The following UNC5C variants were observed in gnomAD, a reference collection of about 807,000 sequenced individuals.
UNC5C encodes the protein netrin receptor UNC5C.
In UNC5C, 47 loss-of-function variants were observed where a neutral mutation model predicts 99.8. The observed-to-expected ratio is 0.47, with a 90% CI of 0.37 to 0.60. UNC5C has a LOEUF of 0.60. Among genes scored for constraint, UNC5C ranks in the 20% least tolerant of loss-of-function variants. UNC5C has a pLI of 0.00. For synonymous variants in UNC5C, 487 were observed against 452.2 expected, an observed-to-expected ratio of 1.08 and a Z score of -0.98; for missense variants, 1,062 against 1,165.9, an observed-to-expected ratio of 0.91 and a Z score of 1.30.
At chr4:95,176,148 A>G (rs552873233) in intron 14 of UNC5C, among the ~76,000 whole-genome samples, 2 of 150,816 alleles carry the variant, frequency 1.3e-5, no homozygotes, top group African/African-American at 4.9e-5. Context: ...ATTCTTCTAA[A>G]TTTTTTTCAA....
intron 11 of UNC5C, among the ~76,000 whole-genome samples, chr4:95,203,633 C>A (rs1309443665): frequency 6.6e-6 from 1 of 152,016 alleles, no homozygotes; most frequent in African/African-American, 2.4e-5. Context: ...CCACACCTGG[C>A]TAATTTTTTT....
intron 3 of UNC5C, among the ~76,000 whole-genome samples, chr4:95,288,282 A>G (rs1741314500): frequency 6.6e-6 from 1 of 151,942 alleles, no homozygotes; most frequent in Middle Eastern, 3.2e-3. Context: ...ACGGGGTTTC[A>G]CCGTGCCAGC....
intron 14 of UNC5C, among the ~76,000 whole-genome samples, chr4:95,172,673 T>A (rs1407504248): frequency 6.6e-6 from 1 of 151,912 alleles, no homozygotes; most frequent in Non-Finnish European, 1.5e-5. Flanking sequence ...TCAGGTAGTG[T>A]GATGCCTCCA....
chr4:95,293,277 A>G (rs1397587484), intron 3 of UNC5C, among the ~76,000 whole-genome samples: 2 of 125,450 alleles, frequency 1.6e-5, no homozygotes, highest in African/African-American at 3.0e-5. Context: ...ATGTTTCTGT[A>G]TTATAAATAA....
intron 1 of UNC5C, among the ~76,000 whole-genome samples, chr4:95,373,905 G>C (rs1744816824): frequency 6.6e-6 from 1 of 152,124 alleles, no homozygotes; most frequent in African/African-American, 2.4e-5. Flanking sequence ...AAGTTATTTT[G>C]ATGACAATCT....
intron 14 of UNC5C, among the ~76,000 whole-genome samples, chr4:95,177,706 C>T (rs1003889337): frequency 2.6e-5 from 4 of 152,000 alleles, no homozygotes; most frequent in Non-Finnish European, 5.9e-5. Flanking sequence ...ACAAGGTCTT[C>T]ATGTGGTAGG....
intron 4 of UNC5C, among the ~76,000 whole-genome samples, chr4:95,258,116 G>A (rs1187797805): frequency 2.0e-5 from 3 of 152,146 alleles, no homozygotes. Flanking sequence ...TCCACAATGA[G>A]TCTCCTTATA....
intron 10 of UNC5C, among the ~76,000 whole-genome samples, chr4:95,211,763 CT>C (rs1271192187): frequency 3.3e-5 from 5 of 151,970 alleles, no homozygotes; most frequent in African/African-American, 9.7e-5. Context: ...ATTTTCTTAC[CT>C]TTTTTATCCA....
intron 4 of UNC5C, among the ~76,000 whole-genome samples, chr4:95,255,398 G>A (rs1020717411): frequency 6.6e-6 from 1 of 152,122 alleles, no homozygotes; most frequent in African/African-American, 2.4e-5. Context: ...AGCACATTAT[G>A]TTTTCATTGT....
intron 7 of UNC5C, among the ~76,000 whole-genome samples, chr4:95,236,778 T>A (rs973587586): frequency 1.3e-5 from 2 of 152,164 alleles, no homozygotes; most frequent in African/African-American, 4.8e-5. Context: ...TCATAAATAT[T>A]TTAGCGGACA....
chr4:95,206,686 G>C lies in UNC5C; in HGVS notation c.1844C>G (p.Pro615Arg). 1 of 1,614,120 alleles carries C rather than the reference G, an allele frequency of 6.2e-7. No individual in the cohort carries two copies. Among genetic ancestry groups the C allele is most frequent in the Non-Finnish European group, 8.5e-7 (1 of 1,180,016 alleles). ...VVLTMHHCAD[P>R]NTEDWKILLK... is the part of the protein sequence containing the mutation. ...CAGTATTTTCCAGTCCTCGGTATTGGGGTCTGCGCAGTGATGCATAGTGAG... is the reference window on the plus strand; with the variant it reads ...CAGTATTTTCCAGTCCTCGGTATTGCGGTCTGCGCAGTGATGCATAGTGAG... Residue 615 changes from proline (P) to arginine (R), a missense_variant, in exon 11 of 16, where the codon CCC becomes CGC. Pro to Arg is a moderately radical substitution (Grantham distance 103). Transcript: ENST00000453304.
chr4:95,348,975 T>A (rs1743882190), intron 1 of UNC5C, among the ~76,000 whole-genome samples: 1 of 111,404 alleles, frequency 9.0e-6, no homozygotes. Flanking sequence ...CTGGGAAGGG[T>A]AGTGAGAGGG....
intron 7 of UNC5C, among the ~76,000 whole-genome samples, chr4:95,225,018 A>G (rs992882391): frequency 2.0e-5 from 3 of 152,044 alleles, no homozygotes; most frequent in Non-Finnish European, 2.9e-5. Context: ...CAAGAAAGGA[A>G]AGGGAGGAGG....
At chr4:95,467,649 T>C (rs900426318) in intron 1 of UNC5C, among the ~76,000 whole-genome samples, 2 of 152,048 alleles carry the variant, frequency 1.3e-5, no homozygotes, top group African/African-American at 4.8e-5. Context: ...TCCAGGAAAG[T>C]CTCTTAGGAA....
intron 1 of UNC5C, among the ~76,000 whole-genome samples, chr4:95,350,467 CAG>C (rs1260285564): frequency 7.1e-6 from 1 of 140,808 alleles, no homozygotes; most frequent in African/African-American, 2.6e-5. Context: ...AGCCTGGTAA[CAG>C]AGCAAGACTC....
chr4:95,292,566 C>G (rs149818136), intron 3 of UNC5C, among the ~76,000 whole-genome samples: 133 of 152,032 alleles, frequency 8.7e-4, no homozygotes, highest in African/African-American at 3.1e-3. Context: ...ACCTTACTTT[C>G]TAAGGGGGTG....
intron 7 of UNC5C, among the ~76,000 whole-genome samples, chr4:95,234,334 A>G (rs1739022198): frequency 6.6e-6 from 1 of 151,552 alleles, no homozygotes; most frequent in African/African-American, 2.4e-5. Context: ...GATCAGACAT[A>G]TATTTTCAAT....
In UNC5C at chr4:95,271,373, G is replaced by A. The variant is rs565468298; in HGVS notation, c.594+6886C>T. On this transcript the variant is annotated intron_variant, in intron 4 of 15. Transcript: ENST00000453304. ...CTCCCGCGTAGCTGGGACTACAGGC[G>A]CCCGCCACCACGCCCGGCTAATTTT... 1.5e-4 allele frequency among the ~76,000 whole-genome samples: 23 copies of A among 151,510 alleles called. No homozygotes were observed. The East Asian group carries it at 2.3e-3, about 15-fold the overall frequency.
intron 1 of UNC5C, among the ~76,000 whole-genome samples, chr4:95,460,820 T>A (rs920226453): frequency 6.6e-6 from 1 of 152,208 alleles, no homozygotes; most frequent in Non-Finnish European, 1.5e-5. Flanking sequence ...ATGGGAGTGA[T>A]ACTTCATCAC....
Sources: gnomAD v4.1 joint callset for allele counts (sites outside exome capture counted in the v4.1 genomes callset) on GRCh38, gnomAD v4.1.1 for gene constraint, MANE v1.5 for transcripts, NCBI Gene and HGNC (gene_info 2026-07-23, HGNC 2026-07-21) for gene names.